Variants in SYT1 observed in about 807,000 individuals in gnomAD.
SYT1 encodes the protein synaptotagmin-1.
In SYT1, 8 loss-of-function variants were observed where a neutral mutation model predicts 44.8. That is an observed-to-expected ratio of 0.18 (90% CI 0.10 to 0.32). SYT1 has a LOEUF of 0.32. Ranked by LOEUF, SYT1 falls within the 10% of genes least tolerant of loss-of-function variation. SYT1 has a pLI of 1.00. For synonymous variants in SYT1, 154 were observed against 188.8 expected, an observed-to-expected ratio of 0.82 and a Z score of 1.51; for missense variants, 286 against 509.3, an observed-to-expected ratio of 0.56 and a Z score of 4.22.
intron 3 of SYT1, among the ~76,000 whole-genome samples, chr12:79,127,962 A>G (rs1477532700): frequency 1.3e-5 from 2 of 152,236 alleles, no homozygotes; most frequent in African/African-American, 4.8e-5. Flanking sequence ...AAATAAATGC[A>G]TGATGGATGA....
chr12:79,053,216 A>T (rs1874655953), intron 3 of SYT1, among the ~76,000 whole-genome samples: 1 of 152,186 alleles, frequency 6.6e-6, no homozygotes, highest in Non-Finnish European at 1.5e-5. Flanking sequence ...AGGGACATAG[A>T]TGAAGCTGGA....
chr12:79,132,448 C>CA (rs201209266), intron 3 of SYT1, among the ~76,000 whole-genome samples: 3,856 of 114,064 alleles, frequency 0.034, 79 homozygotes, highest in East Asian at 0.071. Flanking sequence ...GATTCCGTCT[C>CA]AAAAAAAAAA....
chr12:78,894,832 A>G (rs1299518449), intron 1 of SYT1, among the ~76,000 whole-genome samples: 1 of 151,256 alleles, frequency 6.6e-6, no homozygotes, highest in Non-Finnish European at 1.5e-5. Flanking sequence ...AGTAAGTTTA[A>G]GAGACCTATT....
At chr12:79,298,293 G>A (rs1300050103) in intron 7 of SYT1, among the ~76,000 whole-genome samples, 1 of 152,108 alleles carries the variant, frequency 6.6e-6, no homozygotes, top group Non-Finnish European at 1.5e-5. Context: ...ATGGAAAAAG[G>A]ATGATGCTTA....
intron 1 of SYT1, among the ~76,000 whole-genome samples, chr12:78,966,336 C>T (rs931683733): frequency 6.6e-6 from 1 of 151,466 alleles, no homozygotes; most frequent in Non-Finnish European, 1.5e-5. Flanking sequence ...CCATCTTATC[C>T]TCTTAACTCT....
intron 1 of SYT1, among the ~76,000 whole-genome samples, chr12:78,902,323 C>T (rs1276295684): frequency 1.3e-5 from 2 of 151,910 alleles, no homozygotes; most frequent in Admixed American, 6.6e-5. Context: ...CATTTGTTTA[C>T]ATAAATTGTA....
chr12:79,258,902 T>A (rs145568445), intron 4 of SYT1, among the ~76,000 whole-genome samples: 1 of 152,344 alleles, frequency 6.6e-6, no homozygotes, highest in East Asian at 1.9e-4. Context: ...TGAAAAAGGC[T>A]GAATACAAAA....
chr12:78,884,900 A>G (rs1471080568), intron 1 of SYT1, among the ~76,000 whole-genome samples: 1 of 151,900 alleles, frequency 6.6e-6, no homozygotes, highest in Non-Finnish European at 1.5e-5. Context: ...ATATGTATAG[A>G]GTTTTCATTA....
intron 4 of SYT1, among the ~76,000 whole-genome samples, chr12:79,241,695 T>C (rs1592888593): frequency 6.6e-6 from 1 of 152,264 alleles, no homozygotes; most frequent in Non-Finnish European, 1.5e-5. Flanking sequence ...ATTAGAAATG[T>C]ATTTTTTAAA....
At chr12:78,998,680 T>C (rs1284461435) in intron 2 of SYT1, among the ~76,000 whole-genome samples, 1 of 152,200 alleles carries the variant, frequency 6.6e-6, no homozygotes, top group East Asian at 1.9e-4. Context: ...ATGACTGTAT[T>C]CTCTAGCTTT....
chr12:78,894,570 T>A (rs760326161), intron 1 of SYT1, among the ~76,000 whole-genome samples: 4 of 151,500 alleles, frequency 2.6e-5, no homozygotes, highest in Non-Finnish European at 5.9e-5. Context: ...CACGATTAAA[T>A]GAAACAATGC....
chr12:78,917,190 T>C (rs1382724655), intron 1 of SYT1, among the ~76,000 whole-genome samples: 2 of 152,172 alleles, frequency 1.3e-5, no homozygotes, highest in East Asian at 1.9e-4. Context: ...CAATCCCTTG[T>C]GGCTACACAG....
chr12:79,231,873 A>G (rs1875888146), intron 4 of SYT1, among the ~76,000 whole-genome samples: 1 of 152,184 alleles, frequency 6.6e-6, no homozygotes, highest in African/African-American at 2.4e-5. Context: ...ATTTATCCAT[A>G]ATGCTGTCTT....
At chr12:79,175,590 A>T (rs995706690) in intron 3 of SYT1, among the ~76,000 whole-genome samples, 3 of 152,126 alleles carry the variant, frequency 2.0e-5, no homozygotes, top group African/African-American at 4.8e-5. Context: ...TTTGGTGATG[A>T]AATTCCCTTT....
chr12:79,353,705 C>G, intron 9 of SYT1, 86 bp downstream of exon 9: 1 of 982,348 alleles, frequency 1.0e-6, no homozygotes, highest in East Asian at 2.4e-5. Context: ...CGACTCCCCA[C>G]TTCTTAATTG....
intron 3 of SYT1, among the ~76,000 whole-genome samples, chr12:79,113,201 C>T (rs997379708): frequency 7.9e-5 from 12 of 152,064 alleles, no homozygotes; most frequent in Non-Finnish European, 1.6e-4. Context: ...TTAATGGTGT[C>T]AATACTGAGT....
chr12:78,974,564 G>A (rs1868670860), intron 1 of SYT1, among the ~76,000 whole-genome samples: 1 of 151,870 alleles, frequency 6.6e-6, no homozygotes, highest in Admixed American at 6.6e-5. Flanking sequence ...AGCCTCCCAA[G>A]TAGCTGGGAC....
chr12:79,283,429 G>C lies in SYT1; in HGVS notation c.167-2358G>C, dbSNP rs57872282. The stretch of plus-strand genomic sequence containing the variant: ...GCTCTTTAACTCCCTTTGATTAAAT[G>C]ATGTTCCTTTGCTTTCACTATTTTC... On this transcript the variant is annotated intron_variant, in intron 4 of 10. Coordinates refer to ENST00000261205, the MANE Select transcript of SYT1 (RefSeq NM_005639.3). Among the ~76,000 whole-genome samples the C allele has an allele frequency of 4.0e-3, 614 of 152,214 alleles. 7 individuals carry two copies. Among genetic ancestry groups the C allele is most frequent in the African/African-American group, 0.014 (596 of 41,544 alleles).
intron 1 of SYT1, among the ~76,000 whole-genome samples, chr12:78,937,499 CT>C (rs989247073): frequency 4.6e-5 from 7 of 151,874 alleles, no homozygotes; most frequent in African/African-American, 1.7e-4. Context: ...ATTTTTAGTA[CT>C]TTTTTTAGAC....
Sources: allele counts gnomAD v4.1 joint callset (sites outside exome capture counted in the v4.1 genomes callset), GRCh38; gene constraint gnomAD v4.1.1; transcripts MANE v1.5; gene names NCBI Gene and HGNC (gene_info 2026-07-23, HGNC 2026-07-21).